DGKI: variants seen among roughly 807,000 people sequenced by gnomAD.
DGKI encodes DAG kinase iota.
In DGKI, 55 loss-of-function variants were observed where a neutral mutation model predicts 147.5. The ratio of observed to expected loss-of-function variants is 0.37; its 90% CI spans 0.30 to 0.47. DGKI has a LOEUF of 0.47. Among genes scored for constraint, DGKI ranks in the 20% least tolerant of loss-of-function variants. The pLI is 1.00. For synonymous variants in DGKI, 469 were observed against 477.1 expected (o/e 0.98, Z 0.22); for missense variants, 1,007 against 1,323.8 (o/e 0.76, Z 3.71).
chr7:137,616,411 G>A (rs1416822174), intron 8 of DGKI, among the ~76,000 whole-genome samples: 2 of 152,068 alleles, frequency 1.3e-5, no homozygotes, highest in Admixed American at 6.6e-5. Context: ...GGCACATGTT[G>A]AATAATGAAT....
Position 137,658,467 on chromosome 7 carries a change from T to C in DGKI, c.607-1927A>G, listed in dbSNP as rs191073855. Among the ~76,000 whole-genome samples, 25 of 152,342 alleles carry C rather than the reference T, an allele frequency of 1.6e-4. No individual in the cohort carries two copies. The East Asian group carries it at 3.9e-3, about 24-fold the overall frequency. ...GTCTATTCATTTCCCATGAAACTCC[T>C]AGTAAATTACATTGTGGATAAGCAA... On this transcript the variant is annotated intron_variant, in intron 3 of 32. Coordinates refer to ENST00000614521, the MANE Select transcript of DGKI (RefSeq NM_001321708.2).
At chr7:137,797,517 T>C (rs1432019509) in intron 1 of DGKI, among the ~76,000 whole-genome samples, 2 of 152,142 alleles carry the variant, frequency 1.3e-5, no homozygotes, top group Non-Finnish European at 2.9e-5. Flanking sequence ...AGGTCATTGA[T>C]ATGACAATAA....
At chr7:137,564,924 C>G (rs543915915) in intron 19 of DGKI, among the ~76,000 whole-genome samples, 5 of 152,340 alleles carry the variant, frequency 3.3e-5, no homozygotes, top group East Asian at 3.9e-4. Context: ...CAGTCGCGGC[C>G]GGCCCCAGGA....
At chr7:137,539,951 C>T (rs548218172) in intron 20 of DGKI, among the ~76,000 whole-genome samples, 208 of 152,258 alleles carry the variant, frequency 1.4e-3, no homozygotes, top group Middle Eastern at 6.8e-3. Context: ...GAAAGAAATA[C>T]AACAACTCTA....
chr7:137,670,138 G>A (rs971545056), intron 3 of DGKI, among the ~76,000 whole-genome samples: 7 of 152,072 alleles, frequency 4.6e-5, no homozygotes, highest in Non-Finnish European at 7.4e-5. Flanking sequence ...GTATAATGCC[G>A]TATATTGTTT....
At chr7:137,584,924 G>T (rs965547799) in intron 14 of DGKI, among the ~76,000 whole-genome samples, 2 of 152,090 alleles carry the variant, frequency 1.3e-5, no homozygotes, top group African/African-American at 4.8e-5. Context: ...CTATTAACAT[G>T]AATGATTAAG....
chr7:137,822,879 C>T (rs1418934232), intron 1 of DGKI, among the ~76,000 whole-genome samples: 1 of 150,932 alleles, frequency 6.6e-6, no homozygotes, highest in African/African-American at 2.4e-5. Flanking sequence ...TTTAAAAATC[C>T]AGTGAAAGGA....
At chr7:137,731,366 T>C (rs1048739538) in intron 1 of DGKI, among the ~76,000 whole-genome samples, 16 of 152,264 alleles carry the variant, frequency 1.1e-4, no homozygotes, top group Non-Finnish European at 1.9e-4. Flanking sequence ...AAGAATTTTA[T>C]CTGTTTTGCT....
chr7:137,691,208 G>A (rs1455543785), intron 1 of DGKI, among the ~76,000 whole-genome samples: 5 of 152,182 alleles, frequency 3.3e-5, no homozygotes, highest in African/African-American at 1.2e-4. Flanking sequence ...GTGGGAGCAT[G>A]TACATTTAAG....
At chr7:137,655,460 A>C (rs942163130) in intron 4 of DGKI, among the ~76,000 whole-genome samples, 2 of 152,180 alleles carry the variant, frequency 1.3e-5, no homozygotes, top group African/African-American at 2.4e-5. Context: ...GGCCTCCCAA[A>C]GTGCTGGGAT....
intron 8 of DGKI, among the ~76,000 whole-genome samples, chr7:137,619,034 C>T (rs1370211493): frequency 2.0e-5 from 3 of 152,166 alleles, no homozygotes; most frequent in Non-Finnish European, 1.5e-5. Context: ...ACCACCATAT[C>T]ATTTAAAGGT....
intron 28 of DGKI, among the ~76,000 whole-genome samples, chr7:137,429,615 T>C (rs1249401962): frequency 0.02 from 2,991 of 151,106 alleles, 43 homozygotes; most frequent in African/African-American, 0.025. Flanking sequence ...AGTGAACAGG[T>C]AACCTACAAA....
intron 1 of DGKI, among the ~76,000 whole-genome samples, chr7:137,824,338 G>A (rs1011563098): frequency 3.9e-5 from 6 of 152,022 alleles, no homozygotes; most frequent in African/African-American, 1.5e-4. Flanking sequence ...GCAACATGGA[G>A]AAACCCCGTC....
chr7:137,437,086 A>T (rs1037227757), intron 28 of DGKI, among the ~76,000 whole-genome samples: 4 of 152,178 alleles, frequency 2.6e-5, no homozygotes, highest in African/African-American at 9.7e-5. Flanking sequence ...TCACTTTGGG[A>T]TCAGGAACAA....
chr7:137,722,381 C>T, intron 1 of DGKI: 1 of 1,612,632 alleles, frequency 6.2e-7, no homozygotes. Context: ...AGCAAAAAAC[C>T]CTTCAGTCAG....
At chr7:137,582,731 T>TC (rs1473729868) in intron 14 of DGKI, among the ~76,000 whole-genome samples, 5 of 152,156 alleles carry the variant, frequency 3.3e-5, no homozygotes, top group Non-Finnish European at 5.9e-5. Context: ...CTCTGCAGCC[T>TC]CAAATCCTGC....
At chr7:137,408,322 G>A (rs1009067070) in intron 29 of DGKI, among the ~76,000 whole-genome samples, 1 of 152,168 alleles carries the variant, frequency 6.6e-6, no homozygotes, top group South Asian at 2.1e-4. Context: ...GTGGAGTGGA[G>A]AACAAAAGCA....
rs1811276043 is a variant in DGKI at position 137,389,313 on chromosome 7, T to C, written c.*1907A>G. 1 of 152,032 alleles carries C rather than the reference T, an allele frequency of 6.6e-6. No individual in the cohort carries two copies. Among genetic ancestry groups the C allele is most frequent in the African/African-American group, 2.4e-5 (1 of 41,376 alleles). The allele number at this position is 152,032 out of a possible 1,614,324, so 9.4% of individuals were successfully genotyped here. A position where few individuals can be genotyped will look rare whatever the true frequency, so the allele number is the denominator to read the frequency against. On this transcript the variant is annotated 3_prime_UTR_variant, in exon 33 of 33. Coordinates refer to ENST00000614521, the MANE Select transcript of DGKI (RefSeq NM_001321708.2). ...AGTAGATTACTCACAACCCAATCCA[T>C]CCTCCCACCAACAATTTGATTTTGA...
chr7:137,793,307 G>GT (rs754496481), intron 1 of DGKI, among the ~76,000 whole-genome samples: 17,631 of 143,734 alleles, frequency 0.12, 2,714 homozygotes, highest in African/African-American at 0.36. Context: ...CCTTTTTTTT[G>GT]TTTTTTTTTT....
Sources: gnomAD v4.1 joint callset for allele counts (sites outside exome capture counted in the v4.1 genomes callset) on GRCh38, gnomAD v4.1.1 for gene constraint, MANE v1.5 for transcripts, NCBI Gene and HGNC (gene_info 2026-07-23, HGNC 2026-07-21) for gene names.